The following PDK1 variants were observed in gnomAD, a reference collection of about 807,000 sequenced individuals.
PDK1 encodes [Pyruvate dehydrogenase (acetyl-transferring)] kinase isozyme 1, mitochondrial.
Under a neutral mutation model 54.2 loss-of-function variants are expected in PDK1, and 39 were observed. The observed-to-expected ratio is 0.72, with a 90% CI of 0.56 to 0.94. The LOEUF is 0.94. Among genes scored for constraint, PDK1 ranks in the 40% least tolerant of loss-of-function variants. The probability of loss-of-function intolerance (pLI) is 0.00; values close to 1 mark genes in which losing one functional copy is unlikely to be tolerated. For synonymous variants in PDK1, 221 were observed against 207.1 expected, an observed-to-expected ratio of 1.07 and a Z score of -0.58; for missense variants, 552 against 566.0, an observed-to-expected ratio of 0.98 and a Z score of 0.25.
chr2:172,701,098 A>C, the PDK1 span, among the ~76,000 whole-genome samples: 1 of 152,142 alleles, frequency 6.6e-6, no homozygotes, highest in Admixed American at 6.5e-5. Flanking sequence ...TTATTTGTAC[A>C]AAGTAATAGA....
rs1394217695 is a variant in PDK1, at chr2:172,608,249, T to A, written c.*12280T>A. 3.3e-5 allele frequency: 5 copies of A among 152,164 alleles called. No homozygotes were observed. Among genetic ancestry groups the A allele is most frequent in the Non-Finnish European group, 7.4e-5 (5 of 67,990 alleles). 9.4% of individuals were successfully genotyped at this position (152,164 alleles called of 1,614,324 possible). A position where few individuals can be genotyped will look rare whatever the true frequency, so the allele number is the denominator to read the frequency against. On this transcript the variant is annotated 3_prime_UTR_variant, in exon 11 of 11. Coordinates refer to ENST00000282077, the MANE Select transcript of PDK1 (RefSeq NM_002610.5). ...AAATGGAAATATATAGCAAGAGGAGTCAGCTACTTGGGCATTGATCAAAGA... is the reference window on the plus strand; with the variant it reads ...AAATGGAAATATATAGCAAGAGGAGACAGCTACTTGGGCATTGATCAAAGA...
intron 8 of PDK1, among the ~76,000 whole-genome samples, chr2:172,577,504 CA>C (rs1689643215): frequency 6.6e-6 from 1 of 151,958 alleles, no homozygotes; most frequent in African/African-American, 2.4e-5. Context: ...TATGTCATAT[CA>C]TTTTTTATTA....
intron 8 of PDK1, among the ~76,000 whole-genome samples, chr2:172,584,176 TTCTG>T (rs758805889): frequency 3.3e-5 from 5 of 152,128 alleles, no homozygotes; most frequent in Non-Finnish European, 5.9e-5. Context: ...AAAGTAGTGG[TTCTG>T]TCTTTTTCTC....
chr2:172,582,653 T>C (rs1284872796), intron 8 of PDK1, among the ~76,000 whole-genome samples: 2 of 152,254 alleles, frequency 1.3e-5, no homozygotes, highest in African/African-American at 4.8e-5. Flanking sequence ...GCCTTGAATA[T>C]ATACAGACTA....
At chr2:172,566,806 G>A in intron 5 of PDK1, 50 bp from the exon 6 acceptor site, 4 of 1,194,874 alleles carry the variant, frequency 3.3e-6, no homozygotes, top group Non-Finnish European at 4.9e-6. Context: ...ATGCGTGAAA[G>A]AGAAGTATAT....
chr2:172,622,965 A>G, the PDK1 span, among the ~76,000 whole-genome samples: 1 of 150,370 alleles, frequency 6.7e-6, no homozygotes, highest in Admixed American at 6.6e-5. Flanking sequence ...AGATAGATAG[A>G]TCTCCTATTA....
chr2:172,571,425 G>A (rs1689250916), intron 8 of PDK1, among the ~76,000 whole-genome samples: 1 of 152,192 alleles, frequency 6.6e-6, no homozygotes, highest in African/African-American at 2.4e-5. Flanking sequence ...GTGCAGTGGT[G>A]TGATCATCAC....
Position 172,608,217 on chromosome 2 carries a change from A to C in PDK1, c.*12248A>C, listed in dbSNP as rs1691358272. On this transcript the variant is annotated 3_prime_UTR_variant, in exon 11 of 11. Transcript: ENST00000282077. The stretch of plus-strand genomic sequence containing the variant: ...TAATGATATTGCTGTACTAAAGTCT[A>C]TTTAGGAAATGGAAATATATAGCAA... 1 of 152,350 alleles carries C rather than the reference A, an allele frequency of 6.6e-6. No homozygotes were observed. The highest frequency in any genetic ancestry group is 2.1e-4 in the South Asian group (1 of 4,828). The allele number at this position is 152,350 out of a possible 1,614,324, so 9.4% of individuals were successfully genotyped here.
At chr2:172,716,357 GAC>G in the PDK1 span, among the ~76,000 whole-genome samples, 1 of 151,126 alleles carries the variant, frequency 6.6e-6, no homozygotes, top group Non-Finnish European at 1.5e-5. Flanking sequence ...CTTTTTTTGA[GAC>G]AGTCTTGCTC....
intron 8 of PDK1, among the ~76,000 whole-genome samples, chr2:172,585,584 C>T (rs1690178345): frequency 6.6e-6 from 1 of 152,154 alleles, no homozygotes; most frequent in South Asian, 2.1e-4. Flanking sequence ...TCTCTGCCTT[C>T]CAAAGTGCTG....
At chr2:172,638,822 T>C in the PDK1 span, among the ~76,000 whole-genome samples, 1 of 152,158 alleles carries the variant, frequency 6.6e-6, no homozygotes, top group African/African-American at 2.4e-5. Context: ...TAGCTAAAGG[T>C]TGGGAATTTT....
chr2:172,576,298 G>T (rs1178227629), intron 8 of PDK1, among the ~76,000 whole-genome samples: 8 of 152,012 alleles, frequency 5.3e-5, no homozygotes, highest in Non-Finnish European at 1.2e-4. Flanking sequence ...ATTGTTCATA[G>T]TATTCCCTAA....
chr2:172,700,517 A>T, the PDK1 span, among the ~76,000 whole-genome samples: 1 of 146,232 alleles, frequency 6.8e-6, no homozygotes, highest in Non-Finnish European at 1.5e-5. Context: ...CTCACTTCCC[A>T]GACTGGGCGG....
chr2:172,716,207 A>G, the PDK1 span, among the ~76,000 whole-genome samples: 1 of 152,072 alleles, frequency 6.6e-6, no homozygotes, highest in Non-Finnish European at 1.5e-5. Flanking sequence ...TATGTCAGAA[A>G]TAGGGTTTTG....
intron 1 of PDK1, 117 bp from the exon 2 acceptor site, chr2:172,558,591 T>TGGTG: frequency 3.6e-6 from 3 of 844,224 alleles, no homozygotes; most frequent in Non-Finnish European, 5.5e-6. Flanking sequence ...TGCCCCATCG[T>TGGTG]GGTGATTCTA....
the PDK1 span, among the ~76,000 whole-genome samples, chr2:172,696,837 G>T: frequency 7.2e-5 from 11 of 152,042 alleles, no homozygotes; most frequent in African/African-American, 2.2e-4. Context: ...TAGGATCCTT[G>T]TAGTGTATGA....
chr2:172,591,695 A>C (rs1381083515), intron 9 of PDK1, among the ~76,000 whole-genome samples: 1 of 152,162 alleles, frequency 6.6e-6, no homozygotes, highest in East Asian at 1.9e-4. Context: ...TGATTTCCAT[A>C]AGATTAGAAG....
At chr2:172,678,267 A>G in the PDK1 span, among the ~76,000 whole-genome samples, 5 of 151,940 alleles carry the variant, frequency 3.3e-5, no homozygotes. Context: ...GAGTGAAGGG[A>G]CCACTGGCTA....
intron 8 of PDK1, among the ~76,000 whole-genome samples, chr2:172,575,229 G>A (rs956291978): frequency 6.6e-6 from 1 of 152,024 alleles, no homozygotes; most frequent in Admixed American, 6.6e-5. Context: ...GGTTTATGTT[G>A]TTTTGTTGAG....
Sources: gnomAD v4.1 joint callset for allele counts (sites outside exome capture counted in the v4.1 genomes callset) on GRCh38, gnomAD v4.1.1 for gene constraint, MANE v1.5 for transcripts, NCBI Gene and HGNC (gene_info 2026-07-23, HGNC 2026-07-21) for gene names.